Variants in GRIA2 observed in about 807,000 individuals in gnomAD.
GRIA2 encodes the protein glutamate receptor 2.
Under a neutral mutation model 97.3 loss-of-function variants are expected in GRIA2, and 14 were observed. The ratio of observed to expected loss-of-function variants is 0.14; its 90% CI spans 0.10 to 0.23. The LOEUF is 0.23. Among genes scored for constraint, GRIA2 ranks in the 10% least tolerant of loss-of-function variants. The pLI, the probability that GRIA2 is intolerant of heterozygous loss-of-function variation, is 1.00. For synonymous variants in GRIA2, 412 were observed against 387.8 expected, an observed-to-expected ratio of 1.06 and a Z score of -0.73; for missense variants, 558 against 1,069.8, an observed-to-expected ratio of 0.52 and a Z score of 6.67.
intron 6 of GRIA2, among the ~76,000 whole-genome samples, chr4:157,331,925 A>G (rs781358859): frequency 6.6e-6 from 1 of 152,032 alleles, no homozygotes; most frequent in Non-Finnish European, 1.5e-5. Context: ...CAAAGTCAGT[A>G]TGGTACAGTA....
At chr4:157,354,283 A>G (rs1736149571) in intron 12 of GRIA2, among the ~76,000 whole-genome samples, 1 of 152,202 alleles carries the variant, frequency 6.6e-6, no homozygotes, top group Non-Finnish European at 1.5e-5. Flanking sequence ...AGCCAAATGA[A>G]TAAGAAGTAG....
At chr4:157,231,191 G>A (rs978229960) in intron 2 of GRIA2, among the ~76,000 whole-genome samples, 6 of 151,802 alleles carry the variant, frequency 4.0e-5, no homozygotes, top group Non-Finnish European at 5.9e-5. Context: ...GGTGCACACC[G>A]CCACGCCTGG....
At chr4:157,226,599 G>A (rs1376145695) in intron 2 of GRIA2, among the ~76,000 whole-genome samples, 2 of 152,008 alleles carry the variant, frequency 1.3e-5, no homozygotes, top group African/African-American at 2.4e-5. Context: ...TTTTGTATCT[G>A]TGTTCATAAA....
At chr4:157,312,940 A>G in intron 4 of GRIA2, 65 bp downstream of exon 4, 1 of 977,426 alleles carries the variant, frequency 1.0e-6, no homozygotes, top group Non-Finnish European at 1.5e-6. Context: ...CAGCATTTGC[A>G]ATGTGTATTT....
intron 2 of GRIA2, among the ~76,000 whole-genome samples, chr4:157,286,835 C>T (rs1732868745): frequency 6.6e-6 from 1 of 151,596 alleles, no homozygotes; most frequent in Non-Finnish European, 1.5e-5. Context: ...CATCTGCTGT[C>T]ATTATAATTC....
intron 2 of GRIA2, among the ~76,000 whole-genome samples, chr4:157,222,889 GCAGGCAGTCGCGGCCACTGTGCCTTC>G (rs1729570014): frequency 6.6e-6 from 1 of 152,230 alleles, no homozygotes; most frequent in Non-Finnish European, 1.5e-5. Flanking sequence ...GCAGGCGTGG[GCAGGCAGTCGCGGCCACTGTGCCTTC>G]CTGCCCTCTT....
At chr4:157,316,760 G>T (rs1483277374) in intron 4 of GRIA2, among the ~76,000 whole-genome samples, 1 of 152,144 alleles carries the variant, frequency 6.6e-6, no homozygotes, top group Non-Finnish European at 1.5e-5. Flanking sequence ...AAATGATTTG[G>T]TTTGAATTTT....
intron 2 of GRIA2, among the ~76,000 whole-genome samples, chr4:157,232,244 T>C (rs1473916284): frequency 1.3e-5 from 2 of 152,174 alleles, no homozygotes; most frequent in Non-Finnish European, 2.9e-5. Context: ...AGCACAGAAA[T>C]AGCTCCCACA....
chr4:157,304,871 G>A (rs567161206), intron 3 of GRIA2, among the ~76,000 whole-genome samples: 13 of 152,088 alleles, frequency 8.5e-5, no homozygotes, highest in Non-Finnish European at 1.5e-4. Flanking sequence ...AGGAGTGCAG[G>A]AGCTAGGTGT....
intron 2 of GRIA2, among the ~76,000 whole-genome samples, chr4:157,222,956 G>T (rs959843522): frequency 6.6e-6 from 1 of 152,182 alleles, no homozygotes; most frequent in African/African-American, 2.4e-5. Flanking sequence ...CCTGCCGACT[G>T]CCCTGCGGTG....
At chr4:157,331,383 T>C (rs1003381343) in intron 6 of GRIA2, among the ~76,000 whole-genome samples, 20 of 151,936 alleles carry the variant, frequency 1.3e-4, no homozygotes, top group African/African-American at 4.8e-4. Flanking sequence ...AAGTCAAAAA[T>C]GTTGGCTTTT....
At chr4:157,309,732 C>A (rs1339591542) in intron 3 of GRIA2, among the ~76,000 whole-genome samples, 1 of 152,126 alleles carries the variant, frequency 6.6e-6, no homozygotes, top group Non-Finnish European at 1.5e-5. Flanking sequence ...AATCCATTTA[C>A]AAAGTGTCAT....
intron 2 of GRIA2, among the ~76,000 whole-genome samples, chr4:157,233,988 C>T (rs560854273): frequency 1.3e-5 from 2 of 152,194 alleles, no homozygotes; most frequent in South Asian, 4.1e-4. Context: ...ACCAGAGCCT[C>T]TATTGGTCTC....
chr4:157,323,336 CAAAAAAAAAAAAA>C (rs779080483), intron 6 of GRIA2, among the ~76,000 whole-genome samples: 5 of 51,436 alleles, frequency 9.7e-5, no homozygotes, highest in Non-Finnish European at 1.3e-4. Flanking sequence ...GACTCTGTCT[CAAAAAAAAAAAAA>C]AAAAAAAAAA....
At chr4:157,276,518 A>G (rs1012669132) in intron 2 of GRIA2, among the ~76,000 whole-genome samples, 10 of 151,986 alleles carry the variant, frequency 6.6e-5, no homozygotes, top group African/African-American at 1.9e-4. Flanking sequence ...GGAGAAAATA[A>G]TAATAAAAAA....
chr4:157,342,053 G>C (rs1016534117), intron 12 of GRIA2: 1 of 853,318 alleles, frequency 1.2e-6, no homozygotes, highest in African/African-American at 1.8e-5. Context: ...CTTATGCTCT[G>C]TTTATAGGAT....
rs1735124496 is a variant in GRIA2 at position 157,332,980 on chromosome 4, C to G, written c.1044C>G (p.Leu348=). 3.1e-6 allele frequency: 5 copies of G among 1,601,546 alleles called. No homozygotes were observed. The highest frequency in any genetic ancestry group is 1.4e-5 in the African/African-American group (1 of 74,070). The change falls in exon 7 of 16, where the codon CTC becomes CTG. Residue 348 remains leucine, a synonymous_variant. Coordinates refer to ENST00000264426, the MANE Select transcript of GRIA2 (RefSeq NM_001083619.3). ...WGQGVEIERA[L]KQVQVEGLSG... ...AAGGTGTAGAAATAGAAAGGGCCCT[C>G]AAACAGGTCAGTTACTCAAAATAAT...
At chr4:157,353,839 T>C (rs1359769148) in intron 12 of GRIA2, among the ~76,000 whole-genome samples, 4 of 152,188 alleles carry the variant, frequency 2.6e-5, no homozygotes, top group African/African-American at 9.6e-5. Context: ...AAAATTAGTT[T>C]TATTTAAAAT....
At chr4:157,281,916 T>C (rs984881020) in intron 2 of GRIA2, among the ~76,000 whole-genome samples, 1 of 152,130 alleles carries the variant, frequency 6.6e-6, no homozygotes, top group Non-Finnish European at 1.5e-5. Flanking sequence ...TACCTTCTCA[T>C]AAGCATCTAA....
Sources: allele counts gnomAD v4.1 joint callset (sites outside exome capture counted in the v4.1 genomes callset), GRCh38; gene constraint gnomAD v4.1.1; transcripts MANE v1.5; gene names NCBI Gene and HGNC (gene_info 2026-07-23, HGNC 2026-07-21).